TDRD7: variants seen among roughly 807,000 people sequenced by gnomAD.
The protein encoded by TDRD7 is tudor domain-containing protein 7.
Under a neutral mutation model 109.8 loss-of-function variants are expected in TDRD7, and 47 were observed. The ratio of observed to expected loss-of-function variants is 0.43; its 90% confidence interval spans 0.34 to 0.55. TDRD7 has a LOEUF of 0.55. Among genes scored for constraint, TDRD7 ranks in the 20% least tolerant of loss-of-function variants. The pLI is 0.03. For synonymous variants in TDRD7, 424 were observed against 457.3 expected (o/e 0.93, Z 0.93); for missense variants, 1,164 against 1,319.2 (o/e 0.88, Z 1.82).
At chr9:97,471,947 A>G (rs1446646825) in intron 9 of TDRD7, among the ~76,000 whole-genome samples, 1 of 152,230 alleles carries the variant, frequency 6.6e-6, no homozygotes, top group Non-Finnish European at 1.5e-5. Context: ...ACTGGAAGAC[A>G]TAATTGATGG....
intron 14 of TDRD7, among the ~76,000 whole-genome samples, chr9:97,482,343 A>G (rs1333860641): frequency 6.6e-6 from 1 of 152,196 alleles, no homozygotes; most frequent in African/African-American, 2.4e-5. Flanking sequence ...AGGGGTGCTT[A>G]CAGATATGGT....
intron 1 of TDRD7, among the ~76,000 whole-genome samples, chr9:97,428,137 C>G (rs1246385411): frequency 6.6e-6 from 1 of 152,104 alleles, no homozygotes; most frequent in Non-Finnish European, 1.5e-5. Context: ...TGATACCACT[C>G]CCAGCCCCAC....
rs938674237 is a variant in TDRD7 at position 97,412,153 on chromosome 9, G to C, written c.-92G>C. ...TGGTGCGGGGAAACCGAAAGTGGGC[G>C]GCGGCCGCGGCGGGGCCCCTGGCGG... On this transcript the variant is annotated 5_prime_UTR_variant, in exon 1 of 17. Coordinates refer to ENST00000355295, the MANE Select transcript of TDRD7 (RefSeq NM_014290.3). The surrounding 1 kb of genome is among the most constrained non-coding windows in gnomAD (Gnocchi z 4.3). 6 of 154,200 alleles carry C rather than the reference G, an allele frequency of 3.9e-5. No individual in the cohort carries two copies. The Admixed American group carries it at 3.9e-4, about 10-fold the overall frequency. The allele number at this position is 154,200 out of a possible 1,614,324, so 9.6% of individuals were successfully genotyped here. A position where few individuals can be genotyped will look rare whatever the true frequency, so the allele number is the denominator to read the frequency against.
intron 16 of TDRD7, among the ~76,000 whole-genome samples, chr9:97,489,583 T>C (rs756312858): frequency 7.2e-5 from 11 of 152,210 alleles, no homozygotes; most frequent in African/African-American, 2.4e-5. Flanking sequence ...AGTCTTATTT[T>C]TTTTTATTTA....
intron 6 of TDRD7, among the ~76,000 whole-genome samples, chr9:97,452,225 A>G (rs1280269601): frequency 6.6e-6 from 1 of 152,182 alleles, no homozygotes; most frequent in Non-Finnish European, 1.5e-5. Context: ...ACAAAAAGAG[A>G]GAGAGAAAGA....
intron 7 of TDRD7, among the ~76,000 whole-genome samples, chr9:97,464,335 G>A (rs1447779175): frequency 6.6e-6 from 1 of 152,156 alleles, no homozygotes; most frequent in East Asian, 1.9e-4. Context: ...GTTGTTTGGT[G>A]TGTGTTTTGT....
chr9:97,487,433 G>T, intron 16 of TDRD7, 101 bp downstream of exon 16: 17 of 1,539,168 alleles, frequency 1.1e-5, no homozygotes, highest in Non-Finnish European at 1.5e-5. Flanking sequence ...TTGAGTTTAG[G>T]TATGTTGGGT....
intron 13 of TDRD7, 163 bp downstream of exon 13, chr9:97,478,736 C>A: frequency 1.1e-6 from 1 of 945,164 alleles, no homozygotes; most frequent in Non-Finnish European, 1.7e-6. Context: ...ACATTGCTGA[C>A]TTAGACAAGA....
intron 12 of TDRD7, 129 bp from the exon 13 acceptor site, chr9:97,478,310 G>C (rs1829058337): frequency 2.4e-6 from 2 of 832,848 alleles, no homozygotes; most frequent in Admixed American, 4.7e-5. Context: ...TTTAAATTAG[G>C]GGAAAATTTT....
In TDRD7 at chr9:97,440,541, A is replaced by G. The variant is rs116569858; in HGVS notation, c.638-1117A>G. ...TAGCTATACCCTTAATAGGAAATAT[A>G]TGTGGATATCCTGGAGCCTTCTCTT... On this transcript the variant is annotated intron_variant, in intron 5 of 16. Coordinates refer to ENST00000355295, the MANE Select transcript of TDRD7 (RefSeq NM_014290.3). Among the ~76,000 whole-genome samples the G allele has an allele frequency of 6.7e-3, 1,018 of 152,300 alleles. 6 individuals are homozygous for G. The highest frequency in any genetic ancestry group is 0.022 in the African/African-American group (927 of 41,562).
At chr9:97,477,426 T>C (rs1190578857) in intron 12 of TDRD7, among the ~76,000 whole-genome samples, 1 of 152,226 alleles carries the variant, frequency 6.6e-6, no homozygotes, top group Non-Finnish European at 1.5e-5. Flanking sequence ...TCCTGACTTT[T>C]TGAAGAATAG....
In TDRD7 at chr9:97,442,608, A is replaced by T. The variant is rs915551627; in HGVS notation, c.855+733A>T. On this transcript the variant is annotated intron_variant, in intron 6 of 16. Coordinates refer to ENST00000355295, the MANE Select transcript of TDRD7 (RefSeq NM_014290.3). ...TTACATAAGATATATTTAAAACATA[A>T]CTTTTAAATGGTCACATTAACAGCT... Among the ~76,000 whole-genome samples, 12 of 152,254 alleles carry T rather than the reference A, an allele frequency of 7.9e-5. No homozygotes were observed. The East Asian group carries it at 2.3e-3, about 29-fold the overall frequency.
chr9:97,456,012 C>A (rs1828601170), intron 6 of TDRD7, among the ~76,000 whole-genome samples: 1 of 152,132 alleles, frequency 6.6e-6, no homozygotes, highest in Non-Finnish European at 1.5e-5. Context: ...AAATCACAAG[C>A]ATTTCTTTAC....
intron 8 of TDRD7, among the ~76,000 whole-genome samples, chr9:97,466,853 A>G (rs1022372026): frequency 2.0e-5 from 3 of 152,200 alleles, no homozygotes; most frequent in Admixed American, 2.0e-4. Context: ...AATGGTCTAT[A>G]TGTTGATTAT....
In TDRD7 at chr9:97,487,210, G is replaced by A; in HGVS notation, c.2954G>A (p.Gly985Glu). ...RVLLKGILTN[G>E]LVSVYELDYG... ...CTTTTAAAAGGAATCCTGACCAATG[G>A]ACTGGTATCTGTGTATGAGCTGGAT... Residue 985 changes from glycine (G) to glutamate (E), a missense_variant, in exon 16 of 17, where the codon GGA (glycine) becomes GAA (glutamate). Gly to Glu is a moderately conservative substitution (Grantham distance 98, BLOSUM62 -2). Coordinates refer to ENST00000355295, the MANE Select transcript of TDRD7 (RefSeq NM_014290.3). 1 of 1,613,932 alleles carries A rather than the reference G, an allele frequency of 6.2e-7. No individual in the cohort carries two copies. Among genetic ancestry groups the A allele is most frequent in the Non-Finnish European group, 8.5e-7 (1 of 1,179,904 alleles).
At chr9:97,470,468 C>A in intron 8 of TDRD7, 90 bp from the exon 9 acceptor site, 1 of 1,230,630 alleles carries the variant, frequency 8.1e-7, no homozygotes, top group Non-Finnish European at 1.2e-6. Context: ...GCTTGCTGAT[C>A]ATGGAATAAG....
intron 6 of TDRD7, among the ~76,000 whole-genome samples, chr9:97,444,816 A>G (rs1032315547): frequency 1.3e-5 from 2 of 152,256 alleles, no homozygotes; most frequent in African/African-American, 4.8e-5. Context: ...AGAGATTACT[A>G]CTTACAGGAA....
At chr9:97,430,085 T>C (rs968425876) in intron 2 of TDRD7, among the ~76,000 whole-genome samples, 25 of 152,228 alleles carry the variant, frequency 1.6e-4, no homozygotes, top group African/African-American at 5.5e-4. Context: ...AAAGCCTCAT[T>C]GTTTTCCTGT....
chr9:97,449,258 G>A (rs78092904), intron 6 of TDRD7, among the ~76,000 whole-genome samples: 2,202 of 152,222 alleles, frequency 0.014, 29 homozygotes, highest in Non-Finnish European at 0.02. Flanking sequence ...ACCAAGCAGC[G>A]GACACCAGCT....
Sources: gnomAD v4.1 joint callset for allele counts (sites outside exome capture counted in the v4.1 genomes callset) on GRCh38, gnomAD v4.1.1 for gene constraint, Gnocchi (gnomAD v3.1) non-coding constraint, MANE v1.5 for transcripts, NCBI Gene and HGNC (gene_info 2026-07-23, HGNC 2026-07-21) for gene names.